Variants in TBC1D22A observed in about 807,000 individuals in gnomAD.
TBC1D22A encodes the protein putative GTPase activator.
TBC1D22A carries 38 observed loss-of-function variants against 60.2 expected under a neutral mutation model. The observed-to-expected ratio is 0.63, with a 90% CI of 0.49 to 0.83. TBC1D22A has a LOEUF of 0.83. Ranked by LOEUF, TBC1D22A falls within the 40% of genes least tolerant of loss-of-function variation. TBC1D22A has a pLI of 0.00. For missense variants in TBC1D22A, 628 were observed against 701.0 expected (o/e 0.90, Z 1.18); for synonymous variants, 302 against 281.7 (o/e 1.07, Z -0.72).
intron 10 of TBC1D22A, among the ~76,000 whole-genome samples, chr22:47,021,113 T>C (rs1413937600): frequency 1.3e-5 from 2 of 152,148 alleles, no homozygotes; most frequent in Admixed American, 1.3e-4. Context: ...GGCAGCTTTG[T>C]GAAGCCCTGA....
chr22:46,915,581 T>C (rs1376869178), intron 8 of TBC1D22A: 1 of 456,722 alleles, frequency 2.2e-6, no homozygotes, highest in South Asian at 1.5e-5. Context: ...GCTTGTGTTG[T>C]TACTTGGATA....
Position 47,051,727 on chromosome 22 carries a change from C to G in TBC1D22A, c.1329+14529C>G, listed in dbSNP as rs1018348304. On this transcript the variant is annotated intron_variant, in intron 11 of 12. Coordinates refer to ENST00000337137, the MANE Select transcript of TBC1D22A (RefSeq NM_014346.5). ...GGCAGCCGGCACCTCCCTGCAGCCC[C>G]AGGACTGCTCCTCTCCAGCTCCCCT... is the stretch of plus-strand genomic sequence containing the variant. Among the ~76,000 whole-genome samples, 3 of 152,220 alleles carry G rather than the reference C, an allele frequency of 2.0e-5. No homozygotes were observed. In the East Asian group the frequency reaches 5.8e-4, roughly 29 times the overall value.
chr22:46,837,194 G>C (rs564428487), intron 4 of TBC1D22A, among the ~76,000 whole-genome samples: 10 of 152,252 alleles, frequency 6.6e-5, no homozygotes, highest in African/African-American at 2.4e-4. Flanking sequence ...TCATCAAGAA[G>C]ATATAACAAT....
chr22:46,779,752 G>A (rs1278155374), intron 1 of TBC1D22A, among the ~76,000 whole-genome samples: 1 of 152,222 alleles, frequency 6.6e-6, no homozygotes, highest in Non-Finnish European at 1.5e-5. Context: ...GCTGTGAGGA[G>A]TGTGACATGA....
chr22:47,087,009 C>T lies in TBC1D22A; in HGVS notation c.1330-24499C>T, dbSNP rs116216534. Among the ~76,000 whole-genome samples, 1,189 of 152,312 alleles carry T rather than the reference C, an allele frequency of 7.8e-3. 15 individuals are homozygous for T. The highest frequency in any genetic ancestry group is 0.027 in the African/African-American group (1,125 of 41,554). On this transcript the variant is annotated intron_variant, in intron 11 of 12. Transcript: ENST00000337137. ...GCCACCCCGCAACTGGAGTTCTGCA[C>T]GGGGCTGAAAGGAATGTGGGTGCTC...
chr22:46,844,327 T>C (rs2086899687), intron 4 of TBC1D22A, among the ~76,000 whole-genome samples: 1 of 152,126 alleles, frequency 6.6e-6, no homozygotes, highest in South Asian at 2.1e-4. Context: ...CTTCTCTTCT[T>C]ACTCTCCTCT....
At chr22:47,167,401 C>T (rs1197263904) in intron 12 of TBC1D22A, among the ~76,000 whole-genome samples, 6 of 152,208 alleles carry the variant, frequency 3.9e-5, no homozygotes, top group African/African-American at 1.4e-4. Flanking sequence ...CAGCGGTTCA[C>T]CAAGTGGGAA....
At chr22:46,966,177 G>C (rs1376732229) in intron 8 of TBC1D22A, among the ~76,000 whole-genome samples, 1 of 152,118 alleles carries the variant, frequency 6.6e-6, no homozygotes, top group East Asian at 1.9e-4. Flanking sequence ...CGCTCTATCC[G>C]ATCCTGCCGC....
chr22:46,966,696 A>T (rs183766121), intron 8 of TBC1D22A, among the ~76,000 whole-genome samples: 2 of 152,246 alleles, frequency 1.3e-5, no homozygotes, highest in African/African-American at 4.8e-5. Context: ...CGCAGTATCT[A>T]TCCCACAGTT....
chr22:46,988,544 G>T (rs2148196006), intron 9 of TBC1D22A, among the ~76,000 whole-genome samples: 1 of 152,336 alleles, frequency 6.6e-6, no homozygotes, highest in African/African-American at 2.4e-5. Context: ...TCATCTTCCT[G>T]CATGTCTCCA....
At chr22:46,843,888 G>A (rs754677255) in intron 4 of TBC1D22A, among the ~76,000 whole-genome samples, 2 of 151,864 alleles carry the variant, frequency 1.3e-5, no homozygotes, top group South Asian at 2.1e-4. Flanking sequence ...TCACATCATC[G>A]GGAAGGACAG....
chr22:46,895,661 G>T (rs1029816211), intron 7 of TBC1D22A, among the ~76,000 whole-genome samples: 3 of 152,156 alleles, frequency 2.0e-5, no homozygotes, highest in African/African-American at 4.8e-5. Flanking sequence ...TGTGAGCCAC[G>T]GCGCCCGGCG....
At chr22:47,149,099 G>A (rs1431197940) in intron 12 of TBC1D22A, among the ~76,000 whole-genome samples, 4 of 152,148 alleles carry the variant, frequency 2.6e-5, no homozygotes, top group East Asian at 1.9e-4. Flanking sequence ...GTCACTGGCC[G>A]CCGAGTGATT....
chr22:46,984,983 C>T (rs1350936447), intron 9 of TBC1D22A, among the ~76,000 whole-genome samples: 2 of 152,302 alleles, frequency 1.3e-5, no homozygotes, highest in East Asian at 3.9e-4. Flanking sequence ...TCTTACAGTG[C>T]TTGCTCCCAG....
intron 5 of TBC1D22A, among the ~76,000 whole-genome samples, chr22:46,891,039 G>A (rs1797055258): frequency 1.3e-5 from 2 of 152,178 alleles, no homozygotes; most frequent in South Asian, 4.1e-4. Context: ...GCGGACGCAA[G>A]CCCAGGCCCC....
intron 11 of TBC1D22A, among the ~76,000 whole-genome samples, chr22:47,048,354 G>A (rs946490495): frequency 3.3e-5 from 5 of 152,106 alleles, no homozygotes; most frequent in Non-Finnish European, 4.4e-5. Context: ...GCCTGAGGTC[G>A]GGAGGTGGAG....
intron 10 of TBC1D22A, among the ~76,000 whole-genome samples, chr22:47,034,638 G>C (rs1291966598): frequency 1.3e-5 from 2 of 152,196 alleles, no homozygotes; most frequent in South Asian, 4.1e-4. Flanking sequence ...CTCTGGGCCT[G>C]GCTCCTCAAA....
chr22:47,072,082 C>T (rs1178664063), intron 11 of TBC1D22A, among the ~76,000 whole-genome samples: 6 of 145,030 alleles, frequency 4.1e-5, no homozygotes, highest in Non-Finnish European at 7.5e-5. Flanking sequence ...GCGGTTTTCT[C>T]TAGCAGCCCT....
intron 12 of TBC1D22A, among the ~76,000 whole-genome samples, chr22:47,143,228 G>A (rs1444673144): frequency 1.3e-5 from 2 of 152,188 alleles, no homozygotes; most frequent in Admixed American, 6.5e-5. Flanking sequence ...GCCCTTAAGA[G>A]TTTGAGCCAG....
Sources: gnomAD v4.1 joint callset for allele counts (sites outside exome capture counted in the v4.1 genomes callset) on GRCh38, gnomAD v4.1.1 for gene constraint, MANE v1.5 for transcripts, NCBI Gene and HGNC (gene_info 2026-07-23, HGNC 2026-07-21) for gene names.